Variants in CCDC91 observed in about 807,000 individuals in gnomAD.
CCDC91 encodes the protein coiled-coil domain containing 91, also known as coiled-coil domain-containing protein 91.
In CCDC91, 48 loss-of-function variants were observed where a neutral mutation model predicts 63.2. That is an observed-to-expected ratio of 0.76 (90% confidence interval 0.60 to 0.97). The LOEUF (loss-of-function observed/expected upper bound fraction) is 0.97. Among genes scored for constraint, CCDC91 ranks in the 50% least tolerant of loss-of-function variants. CCDC91 has a pLI of 0.00. For missense variants in CCDC91, 500 were observed against 494.6 expected (o/e 1.01, Z -0.10); for synonymous variants, 167 against 165.8 (o/e 1.01, Z -0.06).
chr12:28,539,825 G>T (rs574946559), intron 12 of CCDC91, among the ~76,000 whole-genome samples: 150 of 152,240 alleles, frequency 9.9e-4, no homozygotes, highest in South Asian at 5.8e-3. Context: ...AAATGTGCCA[G>T]ATAGATGGTA....
At chr12:28,424,568 C>G (rs1286325574) in intron 8 of CCDC91, among the ~76,000 whole-genome samples, 1 of 152,104 alleles carries the variant, frequency 6.6e-6, no homozygotes, top group African/African-American at 2.4e-5. Context: ...ATTACCTTTT[C>G]ATTAAATTGC....
At chr12:28,436,767 T>C (rs553814243) in intron 8 of CCDC91, among the ~76,000 whole-genome samples, 4 of 151,966 alleles carry the variant, frequency 2.6e-5, no homozygotes, top group African/African-American at 9.6e-5. Context: ...TTTTTTTTTA[T>C]TATTATCTCA....
intron 6 of CCDC91, among the ~76,000 whole-genome samples, chr12:28,351,518 C>G (rs1943177819): frequency 6.6e-6 from 1 of 152,176 alleles, no homozygotes; most frequent in Admixed American, 6.5e-5. Flanking sequence ...CAGTTGCCCT[C>G]TGTGCCCATG....
At chr12:28,519,709 T>TCCCTCCC (rs1161596750) in intron 12 of CCDC91, among the ~76,000 whole-genome samples, 23 of 126,826 alleles carry the variant, frequency 1.8e-4, no homozygotes, top group African/African-American at 6.6e-4. Flanking sequence ...CCTAATGCTA[T>TCCCTCCC]CCCTCCCCCC....
intron 3 of CCDC91, among the ~76,000 whole-genome samples, chr12:28,288,721 C>T (rs1949049161): frequency 1.3e-5 from 2 of 152,200 alleles, no homozygotes; most frequent in Admixed American, 6.5e-5. Context: ...TGAAGTCCCT[C>T]TTCCTCAGTT....
At chr12:28,444,471 G>A (rs1000393526) in intron 8 of CCDC91, among the ~76,000 whole-genome samples, 4 of 152,112 alleles carry the variant, frequency 2.6e-5, no homozygotes, top group African/African-American at 9.7e-5. Context: ...TACTTCCTCT[G>A]CCATTTTAAG....
intron 8 of CCDC91, among the ~76,000 whole-genome samples, chr12:28,438,935 G>C (rs1949044088): frequency 6.6e-6 from 1 of 152,058 alleles, no homozygotes; most frequent in South Asian, 2.1e-4. Flanking sequence ...ATAATCCTCT[G>C]CTTAAATTGA....
chr12:28,453,619 A>T (rs1277362937), intron 11 of CCDC91, among the ~76,000 whole-genome samples: 1 of 151,934 alleles, frequency 6.6e-6, no homozygotes, highest in African/African-American at 2.4e-5. Context: ...CTATGTTAAA[A>T]TAACAGTAGT....
At chr12:28,513,015 A>G (rs1485854751) in intron 12 of CCDC91, among the ~76,000 whole-genome samples, 24 of 151,976 alleles carry the variant, frequency 1.6e-4, no homozygotes, top group Non-Finnish European at 2.5e-4. Context: ...AGCTTTTCCT[A>G]GATGTAAATC....
At chr12:28,396,416 T>C (rs1026422967) in intron 8 of CCDC91, among the ~76,000 whole-genome samples, 1 of 152,166 alleles carries the variant, frequency 6.6e-6, no homozygotes, top group Non-Finnish European at 1.5e-5. Context: ...ATTTTAGAAA[T>C]ACTACTGTGG....
At chr12:28,303,815 G>C (rs1490092510) in intron 3 of CCDC91, among the ~76,000 whole-genome samples, 2 of 151,996 alleles carry the variant, frequency 1.3e-5, no homozygotes, top group African/African-American at 4.8e-5. Context: ...ATGGCAGTGT[G>C]GTTCTAGAGT....
intron 1 of CCDC91, among the ~76,000 whole-genome samples, chr12:28,248,741 G>A (rs1945925889): frequency 6.6e-6 from 1 of 152,220 alleles, no homozygotes; most frequent in Admixed American, 6.5e-5. Flanking sequence ...ACTGTGGTTG[G>A]AGGACACTGT....
chr12:28,226,843 G>A (rs1052002308), intron 1 of CCDC91, among the ~76,000 whole-genome samples: 1 of 152,026 alleles, frequency 6.6e-6, no homozygotes, highest in Admixed American at 6.6e-5. Context: ...ACTTGTTTTT[G>A]ATGACCTTCA....
At chr12:28,310,708 A>G (rs771297593) in intron 6 of CCDC91, among the ~76,000 whole-genome samples, 35 of 151,946 alleles carry the variant, frequency 2.3e-4, no homozygotes, top group Non-Finnish European at 4.7e-4. Context: ...AGTCCCTTCC[A>G]TTCATTTGAT....
chr12:28,202,838 A>G (rs1942566607), intron 1 of CCDC91, among the ~76,000 whole-genome samples: 1 of 152,200 alleles, frequency 6.6e-6, no homozygotes, highest in South Asian at 2.1e-4. Flanking sequence ...TCCTTTTAAG[A>G]TTCTGGTCAG....
chr12:28,307,173 T>C (rs1938834796), intron 5 of CCDC91, among the ~76,000 whole-genome samples: 1 of 151,992 alleles, frequency 6.6e-6, no homozygotes, highest in Admixed American at 6.6e-5. Flanking sequence ...TTTCTAACTA[T>C]TGCTTTCTTT....
chr12:28,500,366 T>A lies in CCDC91; in HGVS notation c.1215+16201T>A, dbSNP rs530114985. Reference sequence around the variant, plus strand: ...AGTTTAATTAGATCCCATTTGTCAATTTTTGCTTTTGTTGCCATTGCTTTT... The same window carrying A: ...AGTTTAATTAGATCCCATTTGTCAAATTTTGCTTTTGTTGCCATTGCTTTT... On this transcript the variant is annotated intron_variant, in intron 12 of 12. Coordinates refer to ENST00000536442, the MANE Select transcript of CCDC91 (RefSeq NM_018318.5). Among the ~76,000 whole-genome samples, 3 of 152,236 alleles carry A rather than the reference T, an allele frequency of 2.0e-5. No homozygotes were observed. The East Asian group carries it at 5.8e-4, about 29-fold the overall frequency.
chr12:28,408,973 T>G (rs929507274), intron 8 of CCDC91, among the ~76,000 whole-genome samples: 2 of 152,172 alleles, frequency 1.3e-5, no homozygotes, highest in African/African-American at 4.8e-5. Context: ...TATCTAAAAT[T>G]GTTAGTTTTA....
At chr12:28,361,488 T>C (rs1943881709) in intron 6 of CCDC91, among the ~76,000 whole-genome samples, 1 of 152,152 alleles carries the variant, frequency 6.6e-6, no homozygotes, top group Non-Finnish European at 1.5e-5. Flanking sequence ...CTTTTTGCTT[T>C]CTTTGGCTTC....
Sources: allele counts gnomAD v4.1 joint callset (sites outside exome capture counted in the v4.1 genomes callset), GRCh38; gene constraint gnomAD v4.1.1; transcripts MANE v1.5; gene names NCBI Gene and HGNC (gene_info 2026-07-23, HGNC 2026-07-21).